GRIN2B: variants seen among roughly 807,000 people sequenced by gnomAD.
GRIN2B encodes glutamate ionotropic receptor NMDA type subunit 2B.
GRIN2B carries 5 observed loss-of-function variants against 114.5 expected under a neutral mutation model. That is an observed-to-expected ratio of 0.04 (90% CI 0.02 to 0.09). The LOEUF (loss-of-function observed/expected upper bound fraction) is 0.09, where lower values mean the gene tolerates loss of function less well. GRIN2B is among the 10% of genes least tolerant of loss of function. The pLI is 1.00. For missense variants in GRIN2B, 1,108 were observed against 1,943.5 expected, an observed-to-expected ratio of 0.57 and a Z score of 8.08; for synonymous variants, 787 against 745.1, an observed-to-expected ratio of 1.06 and a Z score of -0.92.
intron 2 of GRIN2B, among the ~76,000 whole-genome samples, chr12:13,893,832 A>T (rs1490871248): frequency 6.6e-6 from 1 of 152,090 alleles, no homozygotes; most frequent in Admixed American, 6.6e-5. Flanking sequence ...TTTTTAAAAA[A>T]AAGAAGGGGG....
intron 4 of GRIN2B, among the ~76,000 whole-genome samples, chr12:13,727,976 C>T (rs1001992727): frequency 6.6e-5 from 10 of 152,196 alleles, no homozygotes; most frequent in Non-Finnish European, 1.3e-4. Context: ...GTAGCTCTTA[C>T]TGTAGCATTG....
Position 13,562,700 on chromosome 12 carries a change from C to A in GRIN2B, c.*83G>T. On this transcript the variant is annotated 3_prime_UTR_variant, in exon 14 of 14. Coordinates refer to ENST00000609686, the MANE Select transcript of GRIN2B (RefSeq NM_000834.5). ...AGGAGCAAATGGGAACCAAGTTCAC[C>A]CCCGTCACCCTCCGTGACATGCGCA... The A allele has an allele frequency of 8.8e-7, 1 of 1,137,274 alleles. No individual in the cohort carries two copies. The allele number at this position is 1,137,274 out of a possible 1,614,324, so 70.4% of individuals were successfully genotyped here. A position where few individuals can be genotyped will look rare whatever the true frequency, so the allele number is the denominator to read the frequency against.
intron 3 of GRIN2B, among the ~76,000 whole-genome samples, chr12:13,759,288 C>T (rs1433872370): frequency 6.6e-6 from 1 of 152,038 alleles, no homozygotes. Flanking sequence ...CGATTACAGG[C>T]ATGAGCCACC....
In GRIN2B at chr12:13,552,978, C is replaced by T. The variant is rs1948432817; in HGVS notation, c.*9805G>A. On this transcript the variant is annotated 3_prime_UTR_variant, in exon 14 of 14. Transcript: ENST00000609686. ...CTCTATAGTATGCTTTAAATTAGCA[C>T]ACAGTGGCAGAAGATGCCTCCCAAA... 6.6e-6 allele frequency: 1 copy of T among 152,098 alleles called. No individual in the cohort carries two copies. Among genetic ancestry groups the T allele is most frequent in the South Asian group, 2.1e-4 (1 of 4,828 alleles). 9.4% of individuals were successfully genotyped at this position (152,098 alleles called of 1,614,324 possible).
intron 2 of GRIN2B, among the ~76,000 whole-genome samples, chr12:13,936,081 T>G (rs991545279): frequency 2.6e-5 from 4 of 152,122 alleles, no homozygotes; most frequent in African/African-American, 4.8e-5. Context: ...TAGAGACACA[T>G]GTGCAAAGAG....
intron 2 of GRIN2B, among the ~76,000 whole-genome samples, chr12:13,890,877 T>G (rs1591605748): frequency 6.6e-6 from 1 of 152,300 alleles, no homozygotes; most frequent in South Asian, 2.1e-4. Context: ...GGTAGTGCCC[T>G]GGGTATCACA....
In GRIN2B at chr12:13,548,669, T is replaced by C. The variant is rs1487822406; in HGVS notation, c.*14114A>G. On this transcript the variant is annotated 3_prime_UTR_variant, in exon 14 of 14. Coordinates refer to ENST00000609686, the MANE Select transcript of GRIN2B (RefSeq NM_000834.5). The stretch of plus-strand genomic sequence containing the variant: ...ACGGAGTCAAGGTAGAAATAGCTAC[T>C]GCCCCTCTCTCTTAGCTTACTATGA... 1 of 152,156 alleles carries C rather than the reference T, an allele frequency of 6.6e-6. No individual in the cohort carries two copies. The highest frequency in any genetic ancestry group is 1.5e-5 in the Non-Finnish European group (1 of 68,020). The allele number at this position is 152,156 out of a possible 1,614,324, so 9.4% of individuals were successfully genotyped here. A position where few individuals can be genotyped will look rare whatever the true frequency, so the allele number is the denominator to read the frequency against.
At chr12:13,583,616 T>A (rs1037786990) in intron 10 of GRIN2B, among the ~76,000 whole-genome samples, 11 of 151,394 alleles carry the variant, frequency 7.3e-5, no homozygotes, top group African/African-American at 2.4e-4. Context: ...TTAGAGGGAG[T>A]GAAAATCATT....
chr12:13,716,791 G>T (rs2268115), intron 4 of GRIN2B, among the ~76,000 whole-genome samples: 85,138 of 151,642 alleles, frequency 0.56, 24,233 homozygotes, highest in African/African-American at 0.64. Context: ...CATTCCTGTC[G>T]TGTCCACATA....
chr12:13,789,010 C>T (rs1024740041), intron 3 of GRIN2B, among the ~76,000 whole-genome samples: 2 of 152,180 alleles, frequency 1.3e-5, no homozygotes, highest in Non-Finnish European at 2.9e-5. Flanking sequence ...CACCACATTT[C>T]AAGTCAGCTC....
rs527921616 is a variant in GRIN2B at position 13,815,645 on chromosome 12, A to T, written c.411+50153T>A. On this transcript the variant is annotated intron_variant, in intron 3 of 13. Coordinates refer to ENST00000609686, the MANE Select transcript of GRIN2B (RefSeq NM_000834.5). Reference sequence around the variant, plus strand: ...TGTAATAAGAGAATCAGAGAAGTTTAAAAAAAATTGCTGGTTTTTAGTCTA... The same window carrying T: ...TGTAATAAGAGAATCAGAGAAGTTTTAAAAAAATTGCTGGTTTTTAGTCTA... Among the ~76,000 whole-genome samples the T allele has an allele frequency of 6.6e-5, 10 of 152,138 alleles. No homozygotes were observed. The South Asian group carries it at 1.2e-3, about 19-fold the overall frequency.
At chr12:13,832,170 C>A (rs752462865) in intron 3 of GRIN2B, among the ~76,000 whole-genome samples, 13 of 152,072 alleles carry the variant, frequency 8.5e-5, no homozygotes, top group Admixed American at 1.3e-4. Flanking sequence ...TCTTCTTACA[C>A]GTATTTATTC....
At chr12:13,786,653 C>T (rs1864226113) in intron 3 of GRIN2B, among the ~76,000 whole-genome samples, 2 of 151,558 alleles carry the variant, frequency 1.3e-5, no homozygotes, top group Admixed American at 1.3e-4. Context: ...CAGATTTTTC[C>T]CACAGGTATC....
intron 5 of GRIN2B, among the ~76,000 whole-genome samples, chr12:13,664,682 T>C (rs1238483031): frequency 6.6e-6 from 1 of 152,188 alleles, no homozygotes; most frequent in Non-Finnish European, 1.5e-5. Context: ...TTTTCTTTCT[T>C]ATACTTTTTT....
At chr12:13,956,634 A>G (rs960256855) in intron 2 of GRIN2B, among the ~76,000 whole-genome samples, 2 of 152,180 alleles carry the variant, frequency 1.3e-5, no homozygotes, top group African/African-American at 4.8e-5. Context: ...CTGCCCAGCA[A>G]CGAGCCGCAT....
intron 3 of GRIN2B, among the ~76,000 whole-genome samples, chr12:13,847,722 A>G (rs925933070): frequency 4.6e-5 from 7 of 152,054 alleles, no homozygotes; most frequent in Non-Finnish European, 7.4e-5. Context: ...GAGAAGGAAC[A>G]ATCAGAGAAG....
Position 13,563,134 on chromosome 12 carries a change from G to T in GRIN2B, c.4104C>A (p.Gly1368=), listed in dbSNP as rs200021190. ...TAGHHHHNNP[G]GGYMLSKSLY... ...GCGACTTGCTGAGCATGTACCCGCC[G>T]CCGGGGTTGTTGTGGTGGTGATGTC... The change falls in exon 14 of 14, where the codon GGC becomes GGA. Residue 1368 remains glycine, a synonymous_variant. Coordinates refer to ENST00000609686, the MANE Select transcript of GRIN2B (RefSeq NM_000834.5). 7.4e-6 allele frequency: 12 copies of T among 1,614,060 alleles called. No individual in the cohort carries two copies. The highest frequency in any genetic ancestry group is 1.3e-5 in the African/African-American group (1 of 74,932).
At chr12:13,951,739 G>A (rs1183262444) in intron 2 of GRIN2B, among the ~76,000 whole-genome samples, 1 of 152,200 alleles carries the variant, frequency 6.6e-6, no homozygotes, top group Non-Finnish European at 1.5e-5. Context: ...TAGACTGTGA[G>A]CTTCTCAAGA....
At chr12:13,565,172 GGT>G (rs1314114991) in intron 13 of GRIN2B, among the ~76,000 whole-genome samples, 1 of 152,170 alleles carries the variant, frequency 6.6e-6, no homozygotes, top group African/African-American at 2.4e-5. Context: ...ATTTTAAGCA[GGT>G]TTAGAATTTT....
Sources: allele counts gnomAD v4.1 joint callset (sites outside exome capture counted in the v4.1 genomes callset), GRCh38; gene constraint gnomAD v4.1.1; transcripts MANE v1.5; gene names NCBI Gene and HGNC (gene_info 2026-07-23, HGNC 2026-07-21).